Variants in URI1 observed in about 807,000 individuals in gnomAD.
The protein encoded by URI1 is unconventional prefoldin RPB5 interactor 1.
In URI1, 39 loss-of-function variants were observed where a neutral mutation model predicts 60.2. The ratio of observed to expected loss-of-function variants is 0.65; its 90% CI spans 0.50 to 0.85. URI1 has a LOEUF of 0.85. Among genes scored for constraint, URI1 ranks in the 40% least tolerant of loss-of-function variants. URI1 has a pLI of 0.00. For missense variants in URI1, 691 were observed against 665.9 expected, an observed-to-expected ratio of 1.04 and a Z score of -0.42; for synonymous variants, 251 against 236.8, an observed-to-expected ratio of 1.06 and a Z score of -0.55.
At chr19:29,935,700 C>CTTTTTTTTTTTTTTTT (rs34820413) in intron 1 of URI1, among the ~76,000 whole-genome samples, 6 of 131,840 alleles carry the variant, frequency 4.6e-5, no homozygotes, top group African/African-American at 1.7e-4. Context: ...GGTTGACAGT[C>CTTTTTTTTTTTTTTTT]TTTTTTTTTT....
At chr19:29,931,301 A>G (rs960315889) in intron 1 of URI1, among the ~76,000 whole-genome samples, 3 of 152,136 alleles carry the variant, frequency 2.0e-5, no homozygotes, top group African/African-American at 7.2e-5. Context: ...TATTCCTCAC[A>G]GCTCTGGAAA....
rs974922526 is a variant in URI1, at chr19:30,016,340, A to T, written c.*1271A>T. On this transcript the variant is annotated 3_prime_UTR_variant, in exon 11 of 11. Transcript: ENST00000392271. Reference sequence around the variant, plus strand: ...AACCGAGGACTGATTTTGAAAGATCACCTAAAAATGTAGATTTGTTCTTTA... The same window carrying T: ...AACCGAGGACTGATTTTGAAAGATCTCCTAAAAATGTAGATTTGTTCTTTA... 2 of 152,152 alleles carry T rather than the reference A, an allele frequency of 1.3e-5. No individual in the cohort carries two copies. Among genetic ancestry groups the T allele is most frequent in the Non-Finnish European group, 2.9e-5 (2 of 67,976 alleles). The allele number at this position is 152,152 out of a possible 1,614,324, so 9.4% of individuals were successfully genotyped here.
Position 30,009,296 on chromosome 19 carries a change from G to T in URI1, c.978G>T (p.Gly326=). The T allele has an allele frequency of 6.2e-7, 1 of 1,613,992 alleles. No homozygotes were observed. Among genetic ancestry groups the T allele is most frequent in the Non-Finnish European group, 8.5e-7 (1 of 1,179,980 alleles). The change falls in exon 8 of 11, where the codon GGG becomes GGT. Residue 326 remains glycine, a synonymous_variant. Coordinates refer to ENST00000392271, the MANE Select transcript of URI1 (RefSeq NM_003796.3). ...DDGDNDHEAL[G]VGDNSIPTIY... ...GTGATAACGACCATGAGGCTTTAGG[G>T]GTTGGAGATAATTCTATACCAACAA...
chr19:29,944,193 A>G (rs1378915118), intron 1 of URI1, among the ~76,000 whole-genome samples: 8 of 116,820 alleles, frequency 6.8e-5, no homozygotes, highest in African/African-American at 2.5e-4. Context: ...ATATATATAT[A>G]AAACTTAACT....
intron 1 of URI1, among the ~76,000 whole-genome samples, chr19:29,930,276 A>T (rs967299351): frequency 1.3e-5 from 2 of 152,096 alleles, no homozygotes; most frequent in African/African-American, 4.8e-5. Flanking sequence ...TTTAATTTTG[A>T]TGACATCCAA....
At chr19:29,996,837 A>G (rs905444283) in intron 4 of URI1, among the ~76,000 whole-genome samples, 2 of 151,922 alleles carry the variant, frequency 1.3e-5, no homozygotes, top group African/African-American at 2.4e-5. Context: ...GATTTTGTCA[A>G]AGGCTTTTTT....
intron 1 of URI1, among the ~76,000 whole-genome samples, chr19:29,933,228 T>C (rs1283061614): frequency 2.6e-5 from 4 of 152,220 alleles, no homozygotes; most frequent in Non-Finnish European, 4.4e-5. Context: ...GTAGAATTCA[T>C]CTTGAAACAA....
Position 29,976,009 on chromosome 19 carries a change from C to T in URI1, c.152+4782C>T, listed in dbSNP as rs76146071. Among the ~76,000 whole-genome samples, 1,085 of 152,266 alleles carry T rather than the reference C, an allele frequency of 7.1e-3. 10 individuals carry two copies. The highest frequency in any genetic ancestry group is 0.024 in the African/African-American group (1,009 of 41,538). ...CTGTTCATTTAATACTATACCTACC[C>T]TGTATCATTAACTAACAGTTCCTCT... On this transcript the variant is annotated intron_variant, in intron 2 of 10. Transcript: ENST00000392271.
At chr19:29,966,463 A>G (rs983470967) in intron 1 of URI1, among the ~76,000 whole-genome samples, 3 of 152,084 alleles carry the variant, frequency 2.0e-5, no homozygotes, top group Non-Finnish European at 2.9e-5. Context: ...AGCAACACTC[A>G]GTTTATTACA....
intron 2 of URI1, among the ~76,000 whole-genome samples, chr19:29,984,301 C>A (rs573395973): frequency 6.6e-6 from 1 of 152,040 alleles, no homozygotes; most frequent in Non-Finnish European, 1.5e-5. Flanking sequence ...TGGTGTCATG[C>A]GTCTGTAGTC....
At chr19:29,930,573 G>C (rs1025574) in intron 1 of URI1, among the ~76,000 whole-genome samples, 117,996 of 151,804 alleles carry the variant, frequency 0.78, 48,247 homozygotes, top group Non-Finnish European at 0.9. Context: ...TAAAGAGACT[G>C]TCCTTTTCTT....
intron 1 of URI1, chr19:29,957,016 TG>T: frequency 3.0e-6 from 2 of 660,366 alleles, no homozygotes; most frequent in East Asian, 5.6e-5. Context: ...CAAAAAAAAG[TG>T]GCCCAGAGTA....
chr19:29,939,558 G>A (rs1229888464), upstream of URI1, among the ~76,000 whole-genome samples: 1 of 152,218 alleles, frequency 6.6e-6, no homozygotes, highest in Non-Finnish European at 1.5e-5. Flanking sequence ...ACAGGCATGA[G>A]CCACTGCGCC....
chr19:30,009,640 G>T (rs943197878), intron 8 of URI1, among the ~76,000 whole-genome samples: 2 of 152,126 alleles, frequency 1.3e-5, no homozygotes, highest in African/African-American at 4.8e-5. Flanking sequence ...CATTCAGAGA[G>T]TTTTCTTAAG....
intron 1 of URI1, among the ~76,000 whole-genome samples, chr19:29,926,749 G>T (rs2145188521): frequency 6.6e-6 from 1 of 152,356 alleles, no homozygotes; most frequent in African/African-American, 2.4e-5. Context: ...AGGCCAGGGT[G>T]TTGAGCTTGA....
intron 1 of URI1, among the ~76,000 whole-genome samples, chr19:29,929,579 AGAGT>A (rs1194389854): frequency 2.0e-5 from 3 of 152,188 alleles, no homozygotes; most frequent in Non-Finnish European, 2.9e-5. Context: ...CCTGGGCCAC[AGAGT>A]GAGACTCCAT....
chr19:29,971,824 T>C (rs1393889105), intron 2 of URI1, among the ~76,000 whole-genome samples: 4 of 150,582 alleles, frequency 2.7e-5, no homozygotes, highest in Admixed American at 1.3e-4. Context: ...TAAAATCTTA[T>C]ATTATGAGTT....
rs2145453657 is a variant in URI1 at position 30,012,600 on chromosome 19, GAA to G, written c.1425+72_1425+73del. On this transcript the variant is annotated intron_variant, in intron 10 of 10. Coordinates refer to ENST00000392271, the MANE Select transcript of URI1 (RefSeq NM_003796.3). ...TTGACCAGTTTTAGCTATTTAATCT[GAA>G]AAGTCATAAGATTAAATTAATTCTA... 3 of 1,530,458 alleles carry G rather than the reference GAA, an allele frequency of 2.0e-6. No homozygotes were observed. The South Asian group carries it at 3.9e-5, about 20-fold the overall frequency. The allele number at this position is 1,530,458 out of a possible 1,614,324, so 94.8% of individuals were successfully genotyped here.
chr19:30,009,027 A>T lies in URI1; in HGVS notation c.709A>T (p.Asn237Tyr), dbSNP rs776960995. The T allele has an allele frequency of 6.2e-7, 1 of 1,610,944 alleles. No homozygotes were observed. Among genetic ancestry groups the T allele is most frequent in the African/African-American group, 1.3e-5 (1 of 74,876 alleles). Residue 237 changes from asparagine to tyrosine, a missense_variant, in exon 8 of 11, where the codon AAT becomes TAT. Coordinates refer to ENST00000392271, the MANE Select transcript of URI1 (RefSeq NM_003796.3). ...TAGTAAGCCTGATACTGTGATTGCA[A>T]ATGGAGAAGATACGACATCTTCTGA... ...LDSKPDTVIANGEDTTSSEEE... is the reference protein window; with the variant it reads ...LDSKPDTVIAYGEDTTSSEEE...
Sources: gnomAD v4.1 joint callset for allele counts (sites outside exome capture counted in the v4.1 genomes callset) on GRCh38, gnomAD v4.1.1 for gene constraint, MANE v1.5 for transcripts, NCBI Gene and HGNC (gene_info 2026-07-23, HGNC 2026-07-21) for gene names.